The following HECW2 variants were observed in gnomAD, a reference collection of about 807,000 sequenced individuals.
HECW2 encodes the protein E3 ubiquitin-protein ligase HECW2.
HECW2 carries 61 observed loss-of-function variants against 175.2 expected under a neutral mutation model. The ratio of observed to expected loss-of-function variants is 0.35; its 90% confidence interval spans 0.28 to 0.43. HECW2 has a LOEUF of 0.43. HECW2 is among the 20% of genes least tolerant of loss of function. HECW2 has a pLI of 1.00. For missense variants in HECW2, 1,524 were observed against 2,000.5 expected (o/e 0.76, Z 4.54); for synonymous variants, 671 against 731.0 (o/e 0.92, Z 1.32).
At chr2:196,571,488 C>T (rs1446318408) in intron 1 of HECW2, among the ~76,000 whole-genome samples, 1 of 152,122 alleles carries the variant, frequency 6.6e-6, no homozygotes, top group East Asian at 1.9e-4. Flanking sequence ...GTGGGTGGAT[C>T]ACTTGAGGTC....
intron 1 of HECW2, among the ~76,000 whole-genome samples, chr2:196,538,784 T>C (rs541138068): frequency 1.6e-4 from 24 of 152,286 alleles, no homozygotes; most frequent in Non-Finnish European, 1.5e-4. Context: ...ACAGCTCCAG[T>C]GATAAGAAAG....
chr2:196,266,887 G>T (rs1689537977), intron 17 of HECW2, among the ~76,000 whole-genome samples: 1 of 152,168 alleles, frequency 6.6e-6, no homozygotes, highest in Non-Finnish European at 1.5e-5. Context: ...AAAGGAAATA[G>T]AAGGTTCAAG....
At chr2:196,502,076 A>G (rs1045971219) in intron 1 of HECW2, among the ~76,000 whole-genome samples, 3 of 152,220 alleles carry the variant, frequency 2.0e-5, no homozygotes, top group Non-Finnish European at 4.4e-5. Flanking sequence ...CAGCTCACGT[A>G]GTTTTGTTTA....
At chr2:196,320,177 C>G (rs1288935031) in intron 8 of HECW2, among the ~76,000 whole-genome samples, 162 bp downstream of exon 8, 1 of 152,188 alleles carries the variant, frequency 6.6e-6, no homozygotes, top group Non-Finnish European at 1.5e-5. Context: ...AACAGCCTTT[C>G]CTACTTGCTT....
At chr2:196,468,652 T>C (rs545161332) in intron 1 of HECW2, among the ~76,000 whole-genome samples, 5 of 151,912 alleles carry the variant, frequency 3.3e-5, no homozygotes, top group Non-Finnish European at 7.4e-5. Context: ...AACTATTCCA[T>C]TTTTTTTCCC....
Position 196,361,719 on chromosome 2 carries a change from G to A in HECW2, c.293-17955C>T, listed in dbSNP as rs370381737. 1.7e-5 allele frequency: 14 copies of A among 845,516 alleles called. 1 individual carries two copies. The East Asian group carries it at 8.6e-4, about 52-fold the overall frequency. The allele number at this position is 845,516 out of a possible 1,614,324, so 52.4% of individuals were successfully genotyped here. A position where few individuals can be genotyped will look rare whatever the true frequency, so the allele number is the denominator to read the frequency against. On this transcript the variant is annotated intron_variant, in intron 2 of 28. Coordinates refer to ENST00000644978, the MANE Select transcript of HECW2 (RefSeq NM_001348768.2). ...GGACCACTTTTAAGAGCTTTTCAAA[G>A]TGAAAGGCAGAGAAAACTGTAAATC... is the stretch of plus-strand genomic sequence containing the variant.
In HECW2 at chr2:196,330,917, C is replaced by T. The variant is rs138349992; in HGVS notation, c.496-1267G>A. ...TGAATTTGCTTTTACTACTTAACTACTGCCCAGGTCTGATTTTTTTTTTAA... is the reference window on the plus strand; with the variant it reads ...TGAATTTGCTTTTACTACTTAACTATTGCCCAGGTCTGATTTTTTTTTTAA... On this transcript the variant is annotated intron_variant, in intron 4 of 28. Transcript: ENST00000644978. Among the ~76,000 whole-genome samples, 829 of 152,256 alleles carry T rather than the reference C, an allele frequency of 5.4e-3. 5 individuals carry two copies. The highest frequency in any genetic ancestry group is 0.014 in the Middle Eastern group (4 of 292).
At chr2:196,572,062 T>C (rs937488926) in intron 1 of HECW2, among the ~76,000 whole-genome samples, 1 of 152,198 alleles carries the variant, frequency 6.6e-6, no homozygotes, top group Admixed American at 6.5e-5. Context: ...TCCACTTATA[T>C]GAGGTAGCAA....
chr2:196,227,408 CATAA>C (rs1687891299), intron 22 of HECW2, among the ~76,000 whole-genome samples: 1 of 152,170 alleles, frequency 6.6e-6, no homozygotes, highest in African/African-American at 2.4e-5. Context: ...GGATTTTCAG[CATAA>C]ATAATCTTCA....
At position 196,194,685 on chromosome 2, in the gene HECW2, G is replaced by A. The variant is rs1686630611; in HGVS notation, c.*6592C>T. 6.6e-6 allele frequency: 1 copy of A among 151,654 alleles called. No individual in the cohort carries two copies. Among genetic ancestry groups the A allele is most frequent in the Non-Finnish European group, 1.5e-5 (1 of 67,958 alleles). The allele number at this position is 151,654 out of a possible 1,614,324, so 9.4% of individuals were successfully genotyped here. On this transcript the variant is annotated 3_prime_UTR_variant, in exon 29 of 29. Coordinates refer to ENST00000644978, the MANE Select transcript of HECW2 (RefSeq NM_001348768.2). ...CTTTGAAAAAAAAATTACATATAAG[G>A]TGAAGTGAGAGCTGTATAACCTTAA...
chr2:196,478,955 C>A (rs1426671395), intron 1 of HECW2, among the ~76,000 whole-genome samples: 1 of 152,156 alleles, frequency 6.6e-6, no homozygotes, highest in Non-Finnish European at 1.5e-5. Context: ...TCATTAGGAC[C>A]CCACTTTGTG....
At chr2:196,230,225 C>A (rs1424242217) in intron 21 of HECW2, among the ~76,000 whole-genome samples, 1 of 152,222 alleles carries the variant, frequency 6.6e-6, no homozygotes, top group African/African-American at 2.4e-5. Flanking sequence ...CACAGACTAC[C>A]TGTCCCTCCT....
intron 13 of HECW2, among the ~76,000 whole-genome samples, chr2:196,303,995 T>TA (rs1160184912): frequency 6.6e-6 from 1 of 152,212 alleles, no homozygotes; most frequent in Non-Finnish European, 1.5e-5. Flanking sequence ...GCTTTTCACT[T>TA]AGTCTCCCTG....
At chr2:196,303,625 T>A (rs1434523703) in intron 13 of HECW2, among the ~76,000 whole-genome samples, 1 of 152,218 alleles carries the variant, frequency 6.6e-6, no homozygotes, top group East Asian at 1.9e-4. Flanking sequence ...TTCATCCTGG[T>A]TCAGTCTTGG....
Position 196,460,505 on chromosome 2 carries a change from T to A in HECW2, c.-35-27047A>T, listed in dbSNP as rs560501970. Among the ~76,000 whole-genome samples, 81 of 151,180 alleles carry A rather than the reference T, an allele frequency of 5.4e-4. 1 individual carries two copies. The South Asian group carries it at 0.016, about 30-fold the overall frequency. ...TTAAACCTTTTTTTTTTTTTTTGCA[T>A]GTATTCATTTAGCTTTTTCTTTTAA... On this transcript the variant is annotated intron_variant, in intron 1 of 28. Transcript: ENST00000644978.
chr2:196,591,810 C>T (rs899513606), intron 1 of HECW2, among the ~76,000 whole-genome samples: 20 of 152,322 alleles, frequency 1.3e-4, no homozygotes, highest in African/African-American at 1.9e-4. Flanking sequence ...CAGATTTTCA[C>T]GCCATTAATA....
At chr2:196,217,254 T>C in intron 26 of HECW2, 161 bp from the exon 27 acceptor site, 1 of 451,490 alleles carries the variant, frequency 2.2e-6, no homozygotes, top group Admixed American at 4.1e-5. Context: ...TATATGATCA[T>C]ATGAATGTCA....
intron 2 of HECW2, among the ~76,000 whole-genome samples, chr2:196,397,898 C>G (rs1694713857): frequency 6.6e-6 from 1 of 152,166 alleles, no homozygotes; most frequent in Non-Finnish European, 1.5e-5. Context: ...CACCTGCTCC[C>G]AAAGATATTC....
intron 1 of HECW2, among the ~76,000 whole-genome samples, chr2:196,579,800 C>A (rs1295371965): frequency 6.6e-6 from 1 of 152,054 alleles, no homozygotes; most frequent in Non-Finnish European, 1.5e-5. Flanking sequence ...CATACATGCA[C>A]AGAGGAAAGC....
Sources: allele counts gnomAD v4.1 joint callset (sites outside exome capture counted in the v4.1 genomes callset), GRCh38; gene constraint gnomAD v4.1.1; transcripts MANE v1.5; gene names NCBI Gene and HGNC (gene_info 2026-07-23, HGNC 2026-07-21).